Variants in PLD5 observed in about 807,000 individuals in gnomAD.
PLD5 encodes the protein inactive phospholipase D5.
A neutral mutation model predicts 61.1 loss-of-function variants in PLD5; 36 were observed. The observed-to-expected ratio is 0.59, with a 90% CI of 0.45 to 0.78. The LOEUF (loss-of-function observed/expected upper bound fraction) is 0.78. Ranked by LOEUF, PLD5 falls within the 30% of genes least tolerant of loss-of-function variation. The pLI, the probability that PLD5 is intolerant of heterozygous loss-of-function variation, is 0.00. For missense variants in PLD5, 515 were observed against 644.4 expected (o/e 0.80, Z 2.17); for synonymous variants, 243 against 242.8 (o/e 1.00, Z -0.01).
chr1:242,236,594 T>G (rs1203521966), intron 4 of PLD5, among the ~76,000 whole-genome samples: 1 of 152,172 alleles, frequency 6.6e-6, no homozygotes, highest in Non-Finnish European at 1.5e-5. Flanking sequence ...CCAATAAAAT[T>G]TAAATACTAT....
rs767593346 is a variant in PLD5 at position 242,241,505 on chromosome 1, T to C, written c.608-21390A>G. ...TCTCATTAAAGGGAAGCTTATTAGC[T>C]AACTTCCTAGACTCGACAGCATGGT... On this transcript the variant is annotated intron_variant, in intron 4 of 9. Transcript: ENST00000536534. Among the ~76,000 whole-genome samples the C allele has an allele frequency of 2.0e-5, 3 of 152,184 alleles. No homozygotes were observed. In the South Asian group the frequency reaches 6.2e-4, roughly 31 times the overall value.
chr1:242,482,823 C>G lies in PLD5; in HGVS notation c.189+41265G>C, dbSNP rs112618791. ...CAGCCAGAGAGAAAGGTCGTGTTAC[C>G]CACAAAGGGAAGCCCATCACACTAA... On this transcript the variant is annotated intron_variant, in intron 1 of 9. Transcript: ENST00000536534. 2.3e-3 allele frequency among the ~76,000 whole-genome samples: 352 copies of G among 152,248 alleles called. 2 individuals carry two copies. Among genetic ancestry groups the G allele is most frequent in the African/African-American group, 8.1e-3 (338 of 41,546 alleles).
intron 3 of PLD5, among the ~76,000 whole-genome samples, chr1:242,266,261 T>G (rs1673664729): frequency 6.6e-6 from 1 of 151,986 alleles, no homozygotes; most frequent in South Asian, 2.1e-4. Flanking sequence ...CGCACTTTTA[T>G]TCCCAGCTAC....
rs999629129 is a variant in PLD5, at chr1:242,120,354, T to G, written c.933+4114A>C. On this transcript the variant is annotated intron_variant, in intron 6 of 9. Coordinates refer to ENST00000536534, the MANE Select transcript of PLD5 (RefSeq NM_001372062.1). ...TTTTAGTACAGACGGGGTTTCACCA[T>G]GTTGGCAAGGTTGGTCTTGAGCTGC... is the stretch of plus-strand genomic sequence containing the variant. 5.3e-5 allele frequency among the ~76,000 whole-genome samples: 8 copies of G among 152,174 alleles called. No individual in the cohort carries two copies. In the East Asian group the frequency reaches 1.5e-3, roughly 29 times the overall value.
chr1:242,448,268 A>T (rs1329208008), intron 1 of PLD5, among the ~76,000 whole-genome samples: 2 of 152,192 alleles, frequency 1.3e-5, no homozygotes, highest in Non-Finnish European at 2.9e-5. Flanking sequence ...AATGATTCTC[A>T]TAGATCTGGT....
At chr1:242,404,474 G>A (rs1213719499) in intron 1 of PLD5, among the ~76,000 whole-genome samples, 3 of 152,080 alleles carry the variant, frequency 2.0e-5, no homozygotes, top group Non-Finnish European at 4.4e-5. Context: ...TTTCTAGCTG[G>A]CTTCCATGTA....
At chr1:242,380,707 A>AG (rs1662227439) in intron 1 of PLD5, among the ~76,000 whole-genome samples, 1 of 152,000 alleles carries the variant, frequency 6.6e-6, no homozygotes, top group South Asian at 2.1e-4. Flanking sequence ...AAGAAAGAAG[A>AG]GAAAAAAAAA....
At position 242,199,358 on chromosome 1, in the gene PLD5, G is replaced by A. The variant is rs906545413; in HGVS notation, c.735+20630C>T. 1.4e-4 allele frequency among the ~76,000 whole-genome samples: 21 copies of A among 152,120 alleles called. 1 individual carries two copies. The highest frequency in any genetic ancestry group is 4.8e-4 in the African/African-American group (20 of 41,508). On this transcript the variant is annotated intron_variant, in intron 5 of 9. Coordinates refer to ENST00000536534, the MANE Select transcript of PLD5 (RefSeq NM_001372062.1). ...CAATCTCTGCCTCCCAGGTTCAAGTGATTCTTCTGCCTCAGCCTCTTGAGT... is the reference window on the plus strand; with the variant it reads ...CAATCTCTGCCTCCCAGGTTCAAGTAATTCTTCTGCCTCAGCCTCTTGAGT...
chr1:242,104,812 G>A (rs912764601), intron 8 of PLD5, among the ~76,000 whole-genome samples: 19 of 152,296 alleles, frequency 1.2e-4, no homozygotes, highest in African/African-American at 4.1e-4. Flanking sequence ...TAAGCCACAT[G>A]TCTGGCTGTG....
intron 1 of PLD5, among the ~76,000 whole-genome samples, chr1:242,488,860 T>C (rs1257216701): frequency 6.6e-6 from 1 of 152,202 alleles, no homozygotes; most frequent in Non-Finnish European, 1.5e-5. Flanking sequence ...GAACTTTCTG[T>C]ACTTTCTGTT....
At chr1:242,526,223 A>G (rs1669441940), upstream of PLD5, among the ~76,000 whole-genome samples, 1 of 152,106 alleles carries the variant, frequency 6.6e-6, no homozygotes, top group African/African-American at 2.4e-5. Context: ...GGCCTACACT[A>G]AAAATAAAAT....
chr1:242,274,963 G>A (rs1373992995), intron 3 of PLD5, among the ~76,000 whole-genome samples: 1 of 152,068 alleles, frequency 6.6e-6, no homozygotes, highest in Non-Finnish European at 1.5e-5. Flanking sequence ...TTCCACCCAG[G>A]AATCCTACAC....
At chr1:242,243,692 C>T (rs1320086538) in intron 4 of PLD5, among the ~76,000 whole-genome samples, 1 of 152,138 alleles carries the variant, frequency 6.6e-6, no homozygotes, top group Non-Finnish European at 1.5e-5. Flanking sequence ...CAGATCCTGT[C>T]CAACTTGGCT....
intron 1 of PLD5, among the ~76,000 whole-genome samples, chr1:242,406,068 C>T (rs1664220274): frequency 6.6e-6 from 1 of 152,192 alleles, no homozygotes; most frequent in African/African-American, 2.4e-5. Flanking sequence ...TAAAGCCTCA[C>T]ATTCCAAACA....
At chr1:242,408,303 T>C (rs1214518033) in intron 1 of PLD5, among the ~76,000 whole-genome samples, 1 of 151,988 alleles carries the variant, frequency 6.6e-6, no homozygotes, top group Non-Finnish European at 1.5e-5. Flanking sequence ...TGTTAATAAT[T>C]ATGGAGACTA....
rs80163762 is a variant in PLD5 at position 242,469,356 on chromosome 1, G to A, written c.189+54732C>T. On this transcript the variant is annotated intron_variant, in intron 1 of 9. Transcript: ENST00000536534. ...AAGCTGATAGACATAAAACAGAATC[G>A]TGATGTTTCTCTAATCTGTATGGCC... is the stretch of plus-strand genomic sequence containing the variant. 1.5e-3 allele frequency among the ~76,000 whole-genome samples: 226 copies of A among 152,216 alleles called. 1 individual carries two copies. Among genetic ancestry groups the A allele is most frequent in the Non-Finnish European group, 1.9e-3 (127 of 68,022 alleles).
intron 1 of PLD5, among the ~76,000 whole-genome samples, chr1:242,493,110 C>A (rs10926753): frequency 0.53 from 80,093 of 152,026 alleles, 21,723 homozygotes; most frequent in Admixed American, 0.59. Flanking sequence ...AATTCTTACT[C>A]TAATAGTTTA....
chr1:242,286,552 G>T (rs188439516), intron 3 of PLD5, among the ~76,000 whole-genome samples: 110 of 151,394 alleles, frequency 7.3e-4, no homozygotes, highest in Non-Finnish European at 1.2e-3. Flanking sequence ...TCTCCCACTG[G>T]TTTTATACCC....
chr1:242,325,361 AT>A (rs1402479914), intron 2 of PLD5, among the ~76,000 whole-genome samples: 5 of 578 alleles, frequency 8.7e-3, no homozygotes, highest in South Asian at 0.05. Context: ...ATGGCGAGAT[AT>A]ATATATATAT....
Sources: gnomAD v4.1 joint callset for allele counts (sites outside exome capture counted in the v4.1 genomes callset) on GRCh38, gnomAD v4.1.1 for gene constraint, MANE v1.5 for transcripts, NCBI Gene and HGNC (gene_info 2026-07-23, HGNC 2026-07-21) for gene names.